The following KIFAP3 variants were observed in gnomAD, a reference collection of about 807,000 sequenced individuals.
KIFAP3 encodes kinesin associated protein 3, also known as kinesin-associated protein 3.
In KIFAP3, 68 loss-of-function variants were observed where a neutral mutation model predicts 106.5. That is an observed-to-expected ratio of 0.64 (90% CI 0.53 to 0.78). The LOEUF is 0.78. Among genes scored for constraint, KIFAP3 ranks in the 30% least tolerant of loss-of-function variants. The probability of loss-of-function intolerance (pLI) is 0.00; values close to 1 mark genes in which losing one functional copy is unlikely to be tolerated. For missense variants in KIFAP3, 780 were observed against 941.8 expected (o/e 0.83, Z 2.25); for synonymous variants, 320 against 311.5 (o/e 1.03, Z -0.29).
rs562749140 is a variant in KIFAP3, at chr1:169,997,996, C to T, written c.1184-5741G>A. Among the ~76,000 whole-genome samples the T allele has an allele frequency of 1.1e-4, 17 of 150,266 alleles. 2 individuals carry two copies. In the South Asian group the frequency reaches 3.6e-3, roughly 32 times the overall value. ...TGACCCATATGTAATAAGAACCCATCATCATTCTCTCACTCTCATAGAGTT... is the reference window on the plus strand; with the variant it reads ...TGACCCATATGTAATAAGAACCCATTATCATTCTCTCACTCTCATAGAGTT... On this transcript the variant is annotated intron_variant, in intron 10 of 19. Transcript: ENST00000361580.
intron 19 of KIFAP3, 49 bp downstream of exon 19, chr1:169,953,962 C>G: frequency 7.5e-7 from 1 of 1,333,154 alleles, no homozygotes. Context: ...TTTAGCTTTC[C>G]AAAAGCAACA....
intron 19 of KIFAP3, among the ~76,000 whole-genome samples, chr1:169,945,141 G>A (rs1324490264): frequency 1.0e-4 from 2 of 19,352 alleles, no homozygotes; most frequent in Non-Finnish European, 1.6e-4. Context: ...TGAGGCAGTG[G>A]GGGGCGGGGG....
At chr1:169,961,376 T>TCTG in intron 17 of KIFAP3, 141 bp from the exon 18 acceptor site, 1 of 582,418 alleles carries the variant, frequency 1.7e-6, no homozygotes, top group Non-Finnish European at 3.0e-6. Flanking sequence ...CAGGATTATT[T>TCTG]TATATAATAG....
At chr1:170,067,876 A>G (rs1428945732) in intron 1 of KIFAP3, 1 of 152,230 alleles carries the variant, frequency 6.6e-6, no homozygotes, top group African/African-American at 2.4e-5. Flanking sequence ...TTGAAAAGCT[A>G]TTGCATATAA....
At chr1:170,029,059 C>T (rs10800495) in intron 8 of KIFAP3, among the ~76,000 whole-genome samples, 25,089 of 151,854 alleles carry the variant, frequency 0.17, 2,224 homozygotes, top group Middle Eastern at 0.22. Context: ...AAATATATCC[C>T]ATACTAACAC....
chr1:170,067,690 C>G (rs988509670), intron 1 of KIFAP3: 3 of 152,166 alleles, frequency 2.0e-5, no homozygotes, highest in African/African-American at 7.2e-5. Flanking sequence ...TTTGTTTTGA[C>G]TAATTTTAAA....
At chr1:169,963,399 G>A (rs1439361602) in intron 17 of KIFAP3, among the ~76,000 whole-genome samples, 1 of 152,164 alleles carries the variant, frequency 6.6e-6, no homozygotes, top group Admixed American at 6.5e-5. Context: ...ATTGTAAACA[G>A]TGCTGCAATG....
chr1:169,992,364 CTT>C (rs1667148631), intron 10 of KIFAP3, 109 bp from the exon 11 acceptor site: 2 of 465,840 alleles, frequency 4.3e-6, no homozygotes, highest in Non-Finnish European at 7.2e-6. Context: ...TTTATATAAA[CTT>C]AATCTGAAAA....
At chr1:169,963,500 T>C (rs767841522) in intron 17 of KIFAP3, among the ~76,000 whole-genome samples, 2 of 152,134 alleles carry the variant, frequency 1.3e-5, no homozygotes, top group African/African-American at 2.4e-5. Context: ...TTTACCTTTT[T>C]TTTGTTGTTG....
rs1227448475 is a variant in KIFAP3 at position 169,992,205 on chromosome 1, T to C, written c.1234A>G (p.Met412Val). The C allele has an allele frequency of 1.3e-6, 2 of 1,587,756 alleles. No individual in the cohort carries two copies. Among genetic ancestry groups the C allele is most frequent in the South Asian group, 1.2e-5 (1 of 86,354 alleles). ...AACATTGATTTAAAGCGGTCATCCA[T>C]GCTTATGTGGTAAAGAACACACATT... ...IAMCVLYHIS[M>V]DDRFKSMFAY... is the part of the protein sequence containing the mutation. Residue 412 changes from methionine (M) to valine (V), a missense_variant, in exon 11 of 20, where the codon ATG becomes GTG. Physicochemically the swap from Met to Val is conservative, Grantham distance 21. This residue lies in a region of KIFAP3 where 588 missense variants were observed against 678.9 expected (regional missense o/e 0.87). Coordinates refer to ENST00000361580, the MANE Select transcript of KIFAP3 (RefSeq NM_014970.4).
intron 10 of KIFAP3, among the ~76,000 whole-genome samples, chr1:170,001,447 T>C (rs1391500866): frequency 6.6e-6 from 1 of 152,156 alleles, no homozygotes; most frequent in East Asian, 1.9e-4. Context: ...TAAATTTTAC[T>C]GCCATTAATA....
intron 17 of KIFAP3, among the ~76,000 whole-genome samples, chr1:169,962,075 G>C (rs980062760): frequency 6.6e-6 from 1 of 152,064 alleles, no homozygotes; most frequent in Admixed American, 6.6e-5. Context: ...GATAACACTG[G>C]GGGAAGTACT....
intron 10 of KIFAP3, among the ~76,000 whole-genome samples, chr1:170,007,594 A>T (rs563127365): frequency 9.9e-5 from 15 of 152,172 alleles, no homozygotes; most frequent in Non-Finnish European, 2.1e-4. Context: ...GGAGAACTAC[A>T]AACCACTGCT....
chr1:169,999,623 G>A (rs914534046), intron 10 of KIFAP3, among the ~76,000 whole-genome samples: 4 of 152,180 alleles, frequency 2.6e-5, no homozygotes, highest in African/African-American at 9.7e-5. Context: ...TAATAAACAT[G>A]AATCATGATG....
chr1:169,971,578 C>T (rs905706150), intron 17 of KIFAP3, among the ~76,000 whole-genome samples: 3 of 151,928 alleles, frequency 2.0e-5, no homozygotes, highest in Non-Finnish European at 4.4e-5. Flanking sequence ...AGATGAATTT[C>T]TGAAATAAAA....
chr1:169,970,279 T>C (rs1310200270), intron 17 of KIFAP3, among the ~76,000 whole-genome samples: 1 of 152,054 alleles, frequency 6.6e-6, no homozygotes, highest in African/African-American at 2.4e-5. Flanking sequence ...GGTGACAATG[T>C]GCTGATGAGG....
chr1:170,050,668 AAG>A, intron 2 of KIFAP3, among the ~76,000 whole-genome samples: 1 of 152,352 alleles, frequency 6.6e-6, no homozygotes, highest in East Asian at 1.9e-4. Flanking sequence ...TACAAGCCAG[AAG>A]AGAGTGGGGA....
chr1:169,954,600 G>T (rs558680635), intron 18 of KIFAP3, among the ~76,000 whole-genome samples: 1 of 152,176 alleles, frequency 6.6e-6, no homozygotes, highest in East Asian at 1.9e-4. Context: ...TAAAATAAGT[G>T]AATTTCTAAA....
At chr1:170,062,102 T>C (rs556139537) in intron 1 of KIFAP3, among the ~76,000 whole-genome samples, 1 of 151,878 alleles carries the variant, frequency 6.6e-6, no homozygotes, top group Non-Finnish European at 1.5e-5. Context: ...ACATGGCATA[T>C]GTATACCTAT....
Sources: allele counts gnomAD v4.1 joint callset (sites outside exome capture counted in the v4.1 genomes callset), GRCh38; gene constraint gnomAD v4.1.1; regional missense constraint gnomAD v4.1.1; transcripts MANE v1.5; gene names NCBI Gene and HGNC (gene_info 2026-07-23, HGNC 2026-07-21).